NRXN1: variants seen among roughly 807,000 people sequenced by gnomAD.
NRXN1 encodes neurexin-1.
A neutral mutation model predicts 150.9 loss-of-function variants in NRXN1; 39 were observed. The observed-to-expected ratio is 0.26, with a 90% confidence interval of 0.20 to 0.34. The LOEUF is 0.34. NRXN1 is among the 10% of genes least tolerant of loss of function. The probability of loss-of-function intolerance (pLI) is 1.00; values close to 1 mark genes in which losing one functional copy is unlikely to be tolerated. For missense variants in NRXN1, 1,815 were observed against 1,949.9 expected (o/e 0.93, Z 1.30); for synonymous variants, 924 against 757.0 (o/e 1.22, Z -3.62).
chr2:50,175,504 G>A (rs902896403), intron 18 of NRXN1, among the ~76,000 whole-genome samples: 1 of 151,774 alleles, frequency 6.6e-6, no homozygotes, highest in African/African-American at 2.4e-5. Flanking sequence ...AATCTCATTT[G>A]GTTTCCAATT....
intron 18 of NRXN1, among the ~76,000 whole-genome samples, chr2:50,123,540 G>C (rs1321510347): frequency 3.9e-5 from 6 of 152,194 alleles, no homozygotes; most frequent in Admixed American, 3.9e-4. Flanking sequence ...GTTTTGAACA[G>C]ATAATTGACA....
chr2:50,987,917 C>A (rs905684562), intron 2 of NRXN1, among the ~76,000 whole-genome samples: 6 of 151,898 alleles, frequency 4.0e-5, no homozygotes, highest in African/African-American at 9.7e-5. Context: ...TTCCAATGAT[C>A]CTCAGCAAGT....
chr2:49,922,614 C>T (rs1449608744), intron 22 of NRXN1, among the ~76,000 whole-genome samples: 1 of 152,092 alleles, frequency 6.6e-6, no homozygotes, highest in African/African-American at 2.4e-5. Flanking sequence ...CCCTATAATA[C>T]TAGAGGGAAT....
At chr2:50,640,985 T>C (rs996683898) in intron 5 of NRXN1, among the ~76,000 whole-genome samples, 10 of 152,160 alleles carry the variant, frequency 6.6e-5, no homozygotes, top group Non-Finnish European at 1.5e-4. Context: ...GAGCTAGTCC[T>C]GAAACAGTTT....
At chr2:50,464,956 A>G (rs2088659385) in intron 17 of NRXN1, among the ~76,000 whole-genome samples, 1 of 151,932 alleles carries the variant, frequency 6.6e-6, no homozygotes, top group South Asian at 2.1e-4. Context: ...GATACAAGGG[A>G]GAATGGCTGA....
chr2:50,478,734 T>G (rs935897468), intron 15 of NRXN1, among the ~76,000 whole-genome samples: 3 of 152,188 alleles, frequency 2.0e-5, no homozygotes, highest in Non-Finnish European at 4.4e-5. Context: ...GCTGTGAAAT[T>G]ACTTTTTCTA....
chr2:50,180,250 C>T (rs1423321658), intron 18 of NRXN1, among the ~76,000 whole-genome samples: 1 of 152,072 alleles, frequency 6.6e-6, no homozygotes, highest in Admixed American at 6.6e-5. Context: ...GTCTTGAACT[C>T]CTGACTTCAA....
chr2:49,999,364 T>C (rs547261588), intron 21 of NRXN1, among the ~76,000 whole-genome samples: 64 of 152,324 alleles, frequency 4.2e-4, no homozygotes, highest in African/African-American at 1.4e-3. Context: ...TATACTAATA[T>C]AGCATTTAAT....
intron 8 of NRXN1, among the ~76,000 whole-genome samples, chr2:50,595,571 G>C (rs918437886): frequency 6.6e-6 from 1 of 152,120 alleles, no homozygotes; most frequent in African/African-American, 2.4e-5. Context: ...AGCATTTGAG[G>C]CTATGAGTGT....
chr2:50,714,328 C>T (rs941598924), intron 5 of NRXN1, among the ~76,000 whole-genome samples: 41 of 152,098 alleles, frequency 2.7e-4, no homozygotes, highest in African/African-American at 8.2e-4. Context: ...ATAATTCAGA[C>T]CTCCCTGTAA....
At chr2:50,068,812 G>A (rs536233621) in intron 19 of NRXN1, among the ~76,000 whole-genome samples, 1 of 152,300 alleles carries the variant, frequency 6.6e-6, no homozygotes, top group South Asian at 2.1e-4. Context: ...AAGTAAATGT[G>A]AAGAAGAGTG....
intron 21 of NRXN1, chr2:49,970,435 C>T (rs116280417): frequency 6.6e-6 from 1 of 152,146 alleles, no homozygotes; most frequent in Non-Finnish European, 1.5e-5. Flanking sequence ...TCAGTTTGAA[C>T]TCATATTGTC....
chr2:50,913,883 T>C (rs1198979047), intron 5 of NRXN1, among the ~76,000 whole-genome samples: 2 of 151,764 alleles, frequency 1.3e-5, no homozygotes. Context: ...CATTTCTTAA[T>C]ATAAACCGTG....
chr2:50,528,815 A>G, intron 11 of NRXN1, 164 bp from the exon 12 acceptor site: 1 of 505,362 alleles, frequency 2.0e-6, no homozygotes. Context: ...ATGTTTTGTT[A>G]TAAAAGTTTA....
At chr2:50,629,795 T>G (rs1681919800) in intron 5 of NRXN1, among the ~76,000 whole-genome samples, 1 of 151,666 alleles carries the variant, frequency 6.6e-6, no homozygotes, top group Non-Finnish European at 1.5e-5. Context: ...TTTAAAACTT[T>G]TCAATGAATA....
At chr2:50,265,597 T>G (rs2068750791) in intron 17 of NRXN1, among the ~76,000 whole-genome samples, 1 of 152,186 alleles carries the variant, frequency 6.6e-6, no homozygotes, top group African/African-American at 2.4e-5. Flanking sequence ...GTGAAACTAC[T>G]TCCAATAGCA....
At chr2:50,108,646 T>C (rs1381111770) in intron 18 of NRXN1, among the ~76,000 whole-genome samples, 2 of 152,122 alleles carry the variant, frequency 1.3e-5, no homozygotes, top group African/African-American at 4.8e-5. Context: ...CTATGCATTT[T>C]TGAGATATTT....
At chr2:50,722,421 G>A (rs1313094733) in intron 5 of NRXN1, among the ~76,000 whole-genome samples, 1 of 152,040 alleles carries the variant, frequency 6.6e-6, no homozygotes, top group Non-Finnish European at 1.5e-5. Context: ...GGTTAATTAT[G>A]ATATATCCAC....
intron 21 of NRXN1, among the ~76,000 whole-genome samples, chr2:50,011,455 A>C (rs535970965): frequency 1.3e-5 from 2 of 152,274 alleles, no homozygotes; most frequent in East Asian, 3.9e-4. Flanking sequence ...TTTTGGTGAG[A>C]AACTCAGATA....
Sources: allele counts gnomAD v4.1 joint callset (sites outside exome capture counted in the v4.1 genomes callset), GRCh38; gene constraint gnomAD v4.1.1; transcripts MANE v1.5; gene names NCBI Gene and HGNC (gene_info 2026-07-23, HGNC 2026-07-21).